Variants in CEACAM4 observed in about 807,000 individuals in gnomAD.
CEACAM4 encodes CEA cell adhesion molecule 4, also known as cell adhesion molecule CEACAM4.
CEACAM4 carries 30 observed loss-of-function variants against 28.7 expected under a neutral mutation model. That is an observed-to-expected ratio of 1.05 (90% CI 0.78 to 1.42). The LOEUF is 1.42. Ranked by LOEUF, CEACAM4 falls within the 40% of genes most tolerant of loss-of-function variation. The pLI is 0.00. For synonymous variants in CEACAM4, 143 were observed against 126.5 expected (o/e 1.13, Z -0.87); for missense variants, 330 against 308.2 (o/e 1.07, Z -0.53).
chr19:41,617,918 T>C (rs1404521784), downstream of CEACAM4, among the ~76,000 whole-genome samples: 1 of 150,350 alleles, frequency 6.7e-6, no homozygotes, highest in Non-Finnish European at 1.5e-5. Context: ...TCAGGGGTCA[T>C]TTAGAGCTAA....
chr19:41,619,252 T>G lies in CEACAM4; in HGVS notation c.*78A>C. On this transcript the variant is annotated 3_prime_UTR_variant, in exon 7 of 7. Transcript: ENST00000221954. ...TCAGAGCTGGTTCTCTGGCTCAGGC[T>G]CCATGTCCTTCCCCGTCCCCAGGGC... 8.3e-7 allele frequency: 1 copy of G among 1,206,768 alleles called. No individual in the cohort carries two copies. Among genetic ancestry groups the G allele is most frequent in the Non-Finnish European group, 1.2e-6 (1 of 812,056 alleles). The allele number at this position is 1,206,768 out of a possible 1,614,324, so 74.8% of individuals were successfully genotyped here. A position where few individuals can be genotyped will look rare whatever the true frequency, so the allele number is the denominator to read the frequency against.
chr19:41,619,740 G>A (rs1267245593), intron 5 of CEACAM4, 29 bp from the exon 6 acceptor site: 24 of 1,531,880 alleles, frequency 1.6e-5, no homozygotes, highest in Admixed American at 2.1e-5. Flanking sequence ...AGATGTCAGG[G>A]GACAGGGAGG....
At chr19:41,619,867 A>G (rs1047250066) in intron 5 of CEACAM4, among the ~76,000 whole-genome samples, 156 bp from the exon 6 acceptor site, 3 of 152,024 alleles carry the variant, frequency 2.0e-5, no homozygotes, top group Non-Finnish European at 2.9e-5. Context: ...CCCTGAGCTC[A>G]GCCTCCCAGT....
intron 2 of CEACAM4, among the ~76,000 whole-genome samples, chr19:41,624,741 C>T (rs1555803110): frequency 1.3e-5 from 2 of 152,208 alleles, no homozygotes; most frequent in African/African-American, 4.8e-5. Flanking sequence ...GCCTCAGTTT[C>T]CCCTCCATAC....
At chr19:41,626,206 G>A (rs1197974835) in intron 1 of CEACAM4, among the ~76,000 whole-genome samples, 2 of 151,696 alleles carry the variant, frequency 1.3e-5, no homozygotes, top group Admixed American at 1.3e-4. Context: ...TTCCCCAGGG[G>A]TCTGCACGGC....
At chr19:41,621,369 T>C (rs1568650237) in intron 3 of CEACAM4, among the ~76,000 whole-genome samples, 2 of 151,878 alleles carry the variant, frequency 1.3e-5, no homozygotes, top group African/African-American at 4.8e-5. Context: ...TCCCGTCTTA[T>C]CTCCCTCCCT....
Position 41,619,148 on chromosome 19 carries a change from G to A in CEACAM4, c.*182C>T. 1 of 600,128 alleles carries A rather than the reference G, an allele frequency of 1.7e-6. No homozygotes were observed. The highest frequency in any genetic ancestry group is 2.1e-5 in the South Asian group (1 of 48,186). The allele number at this position is 600,128 out of a possible 1,614,324, so 37.2% of individuals were successfully genotyped here. ...TTTGTCCCGGCCCACCCAGAGCCCA[G>A]GGCAACCTGTCAGGGTCTCCAGATA... On this transcript the variant is annotated 3_prime_UTR_variant, in exon 7 of 7. Transcript: ENST00000221954.
Position 41,626,953 on chromosome 19 carries a change from G to C in CEACAM4, c.11C>G (p.Pro4Arg), listed in dbSNP as rs549552178. MGP[P>R]SAAPRGGHRP... ...GTGCCCTCCACGGGGAGCGGCTGAG[G>C]GGGGGCCCATGGTCTCTGCTGCCTG... Residue 4 changes from proline to arginine, a missense_variant, in exon 1 of 7, where the codon CCC becomes CGC. Pro to Arg is a moderately radical substitution (Grantham distance 103). Coordinates refer to ENST00000221954, the MANE Select transcript of CEACAM4 (RefSeq NM_001817.4). The C allele has an allele frequency of 1.1e-5, 17 of 1,605,248 alleles. No homozygotes were observed. The highest frequency in any genetic ancestry group is 1.0e-4 in the South Asian group (9 of 90,376).
chr19:41,624,649 C>T (rs572640042), intron 2 of CEACAM4, among the ~76,000 whole-genome samples: 9 of 152,304 alleles, frequency 5.9e-5, no homozygotes, highest in South Asian at 4.1e-4. Flanking sequence ...AAGGAGAGGA[C>T]GTGGCAGCAG....
chr19:41,626,105 TG>T (rs2071642804), intron 1 of CEACAM4, 145 bp from the exon 2 acceptor site: 1 of 575,024 alleles, frequency 1.7e-6, no homozygotes, highest in Admixed American at 3.3e-5. Flanking sequence ...TGTGTGTGTG[TG>T]TGTGTGTGTG....
intron 4 of CEACAM4, 86 bp from the exon 5 acceptor site, chr19:41,620,328 A>T: frequency 8.1e-7 from 1 of 1,230,850 alleles, no homozygotes; most frequent in Non-Finnish European, 1.1e-6. Flanking sequence ...CTCAGCTCCC[A>T]GAGAATCAGG....
chr19:41,626,907 C>T lies in CEACAM4; in HGVS notation c.57G>A (p.Leu19=), dbSNP rs1555804439. The change falls in exon 1 of 7, where the codon CTG becomes CTA. Residue 19 remains leucine, a synonymous_variant. Coordinates refer to ENST00000221954, the MANE Select transcript of CEACAM4 (RefSeq NM_001817.4). ...AGAGAGTCCTCCCCTCACCTGTGAT[C>T]AGGAGCCCCTGCCAGGGCCTGTGCC... is the stretch of plus-strand genomic sequence containing the variant. ...RGGHRPWQGL[L]ITASLLTFWH... is the part of the protein sequence containing the mutation. The T allele has an allele frequency of 2.5e-6, 4 of 1,610,964 alleles. No individual in the cohort carries two copies. Among genetic ancestry groups the T allele is most frequent in the South Asian group, 2.2e-5 (2 of 90,960 alleles).
chr19:41,619,679 G>A lies in CEACAM4; in HGVS notation c.660C>T (p.Pro220=), dbSNP rs1555800317. The change falls in exon 6 of 7, where the codon CCC becomes CCT. Residue 220 remains proline (P), a synonymous_variant. Transcript: ENST00000221954. The part of the protein sequence containing the change: ...APLPSPRTAT[P]IYEELLYSDA... ...CATGGCCCACACTCACCTCATAGAT[G>A]GGAGTGGCTGTTCTGGGGCTGGGTA... 3.8e-6 allele frequency: 6 copies of A among 1,593,934 alleles called. 1 individual carries two copies. The African/African-American group carries it at 4.0e-5, about 11-fold the overall frequency.
intron 5 of CEACAM4, 121 bp downstream of exon 5, chr19:41,620,090 T>C: frequency 2.1e-6 from 2 of 946,602 alleles, no homozygotes; most frequent in Non-Finnish European, 3.0e-6. Context: ...GCACTCACTT[T>C]GACCTGACTG....
chr19:41,618,057 C>A (rs1310689422), downstream of CEACAM4, among the ~76,000 whole-genome samples: 1 of 103,816 alleles, frequency 9.6e-6, no homozygotes, highest in Non-Finnish European at 2.4e-5. Context: ...TTAGTGCAGG[C>A]ACCAGCTCAC....
At chr19:41,619,777 G>T in intron 5 of CEACAM4, 66 bp from the exon 6 acceptor site, 1 of 1,357,884 alleles carries the variant, frequency 7.4e-7, no homozygotes, top group South Asian at 1.5e-5. Flanking sequence ...CAGCCTGGAA[G>T]GTTCCTGTCT....
At chr19:41,624,423 C>T (rs747225471) in intron 2 of CEACAM4, among the ~76,000 whole-genome samples, 4 of 152,138 alleles carry the variant, frequency 2.6e-5, no homozygotes, top group Non-Finnish European at 4.4e-5. Context: ...TCCAGAGATG[C>T]GGGGTGTGGA....
At chr19:41,625,505 G>T in intron 2 of CEACAM4, 96 bp downstream of exon 2, 1 of 1,414,292 alleles carries the variant, frequency 7.1e-7, no homozygotes, top group Non-Finnish European at 9.6e-7. Flanking sequence ...GGGACAAAAT[G>T]CAGAGGGGGA....
intron 2 of CEACAM4, among the ~76,000 whole-genome samples, chr19:41,622,688 TAAC>T (rs782185929): frequency 6.6e-6 from 1 of 152,168 alleles, no homozygotes; most frequent in Non-Finnish European, 1.5e-5. Context: ...TTATTGCCAA[TAAC>T]AACATCAAAA....
Sources: allele counts gnomAD v4.1 joint callset (sites outside exome capture counted in the v4.1 genomes callset), GRCh38; gene constraint gnomAD v4.1.1; transcripts MANE v1.5; gene names NCBI Gene and HGNC (gene_info 2026-07-23, HGNC 2026-07-21).